EPHA7: variants seen among roughly 807,000 people sequenced by gnomAD.
The protein encoded by EPHA7 is EPH receptor A7.
EPHA7 carries 25 observed loss-of-function variants against 112.6 expected under a neutral mutation model. The observed-to-expected ratio is 0.22, with a 90% CI of 0.16 to 0.31. The LOEUF (loss-of-function observed/expected upper bound fraction) is 0.31, where lower values mean the gene tolerates loss of function less well. EPHA7 is among the 10% of genes least tolerant of loss of function. The pLI is 1.00. For missense variants in EPHA7, 962 were observed against 1,212.6 expected (o/e 0.79, Z 3.07); for synonymous variants, 437 against 406.5 (o/e 1.07, Z -0.90).
intron 5 of EPHA7, among the ~76,000 whole-genome samples, chr6:93,296,436 T>A (rs1166467366): frequency 4.9e-5 from 3 of 61,702 alleles, no homozygotes; most frequent in Non-Finnish European, 1.4e-4. Context: ...ATATATAAAA[T>A]ATATAAATAT....
At chr6:93,289,007 C>A (rs1199575954) in intron 5 of EPHA7, among the ~76,000 whole-genome samples, 1 of 152,148 alleles carries the variant, frequency 6.6e-6, no homozygotes. Context: ...CAGCATGCAA[C>A]TTTAGACATA....
chr6:93,260,407 T>C, intron 9 of EPHA7: 1 of 474,614 alleles, frequency 2.1e-6, no homozygotes, highest in Non-Finnish European at 2.7e-6. Context: ...CAAATCTATT[T>C]GGTAAAAGAC....
chr6:93,394,772 CCTGGTGATTCTCAGGAAAT>C (rs1778084359), intron 3 of EPHA7, among the ~76,000 whole-genome samples: 1 of 151,744 alleles, frequency 6.6e-6, no homozygotes, highest in Non-Finnish European at 1.5e-5. Context: ...GCAGATCTGT[CCTGGTGATTCTCAGGAAAT>C]CTACCGTGTC....
rs748773525 is a variant in EPHA7, at chr6:93,358,282, G to T, written c.962C>A (p.Ser321Tyr). Reference protein sequence around the residue: ...ECEDGYYRAPSDPPYVACTRP... With the variant: ...ECEDGYYRAPYDPPYVACTRP... ...TGTGCACGCAACGTATGGTGGGTCA[G>T]ATGGAGCCCTGTAATACCCATCTTC... The change falls in exon 4 of 17, where the codon TCT (serine) becomes TAT (tyrosine). Residue 321 changes from serine to tyrosine, a missense_variant. By Grantham distance (144) the Ser-to-Tyr change is moderately radical (BLOSUM62 -2). Transcript: ENST00000369303. The T allele has an allele frequency of 3.7e-6, 6 of 1,612,530 alleles. No individual in the cohort carries two copies. The East Asian group carries it at 8.9e-5, about 24-fold the overall frequency.
intron 5 of EPHA7, among the ~76,000 whole-genome samples, chr6:93,336,638 T>G (rs547428745): frequency 6.6e-6 from 1 of 152,144 alleles, no homozygotes; most frequent in Non-Finnish European, 1.5e-5. Flanking sequence ...CCTGACCTTG[T>G]GATCTGCCCG....
intron 14 of EPHA7, among the ~76,000 whole-genome samples, chr6:93,253,248 AAC>A (rs1409487908): frequency 1.3e-5 from 2 of 152,076 alleles, no homozygotes; most frequent in Non-Finnish European, 2.9e-5. Context: ...GCCTCTGCCA[AAC>A]AGACTCATCA....
chr6:93,299,378 A>G (rs1582474793), intron 5 of EPHA7, among the ~76,000 whole-genome samples: 1 of 151,810 alleles, frequency 6.6e-6, no homozygotes. Context: ...GAAGAAAGAA[A>G]AAAAGCTCAA....
intron 5 of EPHA7, among the ~76,000 whole-genome samples, chr6:93,341,259 G>A (rs164530): frequency 0.025 from 3,781 of 151,816 alleles, 138 homozygotes; most frequent in African/African-American, 0.085. Context: ...TCTCAGAGAA[G>A]CAAAATATTA....
At chr6:93,285,633 T>C (rs1446373817) in intron 5 of EPHA7, among the ~76,000 whole-genome samples, 1 of 152,214 alleles carries the variant, frequency 6.6e-6, no homozygotes, top group African/African-American at 2.4e-5. Flanking sequence ...GTTGCTTCAA[T>C]TACAGGAATG....
intron 3 of EPHA7, among the ~76,000 whole-genome samples, chr6:93,396,732 C>A (rs1321084431): frequency 6.6e-6 from 1 of 151,684 alleles, no homozygotes; most frequent in African/African-American, 2.4e-5. Flanking sequence ...AAAATTATTC[C>A]ATACAAAATA....
chr6:93,383,600 T>C (rs1777456820), intron 3 of EPHA7, among the ~76,000 whole-genome samples: 1 of 152,290 alleles, frequency 6.6e-6, no homozygotes, highest in African/African-American at 2.4e-5. Flanking sequence ...AATTTATTTG[T>C]CATAAAAATG....
chr6:93,250,459 T>C (rs1770157006), intron 14 of EPHA7, among the ~76,000 whole-genome samples: 1 of 152,160 alleles, frequency 6.6e-6, no homozygotes, highest in African/African-American at 2.4e-5. Flanking sequence ...ATCATTATTA[T>C]ACTGATTCTA....
chr6:93,286,340 G>A (rs1353505090), intron 5 of EPHA7, among the ~76,000 whole-genome samples: 2 of 152,132 alleles, frequency 1.3e-5, no homozygotes, highest in Admixed American at 6.5e-5. Flanking sequence ...CGAATGCTCA[G>A]CACCTGAATT....
At chr6:93,288,598 A>G (rs1772193022) in intron 5 of EPHA7, among the ~76,000 whole-genome samples, 1 of 152,220 alleles carries the variant, frequency 6.6e-6, no homozygotes, top group African/African-American at 2.4e-5. Flanking sequence ...ATTTTGCATG[A>G]CTTTTAGAAT....
At chr6:93,335,454 G>A (rs969958656) in intron 5 of EPHA7, among the ~76,000 whole-genome samples, 1 of 151,920 alleles carries the variant, frequency 6.6e-6, no homozygotes, top group African/African-American at 2.4e-5. Context: ...AATTCCAAAG[G>A]ATTTGTTAAA....
chr6:93,294,266 A>C (rs988953277), intron 5 of EPHA7, among the ~76,000 whole-genome samples: 2 of 152,222 alleles, frequency 1.3e-5, no homozygotes, highest in Non-Finnish European at 2.9e-5. Flanking sequence ...CGGACTCTGA[A>C]TAGAATATAC....
In EPHA7 at chr6:93,402,130, C is replaced by A. The variant is rs982534382; in HGVS notation, c.832+8371G>T. On this transcript the variant is annotated intron_variant, in intron 3 of 16. Transcript: ENST00000369303. ...TCTGAAGTCACACTAAACTAACAAA[C>A]CACAGAAAACTAAATCAGACACATT... 3.3e-5 allele frequency among the ~76,000 whole-genome samples: 5 copies of A among 152,102 alleles called. No individual in the cohort carries two copies. The East Asian group carries it at 5.8e-4, about 18-fold the overall frequency.
At chr6:93,325,367 C>G (rs1774268368) in intron 5 of EPHA7, among the ~76,000 whole-genome samples, 1 of 151,126 alleles carries the variant, frequency 6.6e-6, no homozygotes, top group Admixed American at 6.6e-5. Flanking sequence ...GCCTCTTTAT[C>G]AAAACAAAAG....
chr6:93,301,871 A>C (rs1772993488), intron 5 of EPHA7, among the ~76,000 whole-genome samples: 1 of 152,074 alleles, frequency 6.6e-6, no homozygotes, highest in South Asian at 2.1e-4. Flanking sequence ...TCTCCACACA[A>C]ATCTGCACCC....
Sources: gnomAD v4.1 joint callset for allele counts (sites outside exome capture counted in the v4.1 genomes callset) on GRCh38, gnomAD v4.1.1 for gene constraint, MANE v1.5 for transcripts, NCBI Gene and HGNC (gene_info 2026-07-23, HGNC 2026-07-21) for gene names.